CSPP1: variants seen among roughly 807,000 people sequenced by gnomAD.
CSPP1 encodes the protein centrosome and spindle pole associated protein 1, also known as centrosome and spindle pole-associated protein 1.
CSPP1 carries 126 observed loss-of-function variants against 164.4 expected under a neutral mutation model. The observed-to-expected ratio is 0.77, with a 90% CI of 0.66 to 0.89. The LOEUF (loss-of-function observed/expected upper bound fraction) is 0.89, where lower values mean the gene tolerates loss of function less well. Among genes scored for constraint, CSPP1 ranks in the 40% least tolerant of loss-of-function variants. The pLI is 0.00. For synonymous variants in CSPP1, 472 were observed against 476.7 expected (o/e 0.99, Z 0.13); for missense variants, 1,395 against 1,449.8 (o/e 0.96, Z 0.61).
chr8:67,113,994 A>G (rs1032978253), intron 11 of CSPP1, 132 bp downstream of exon 11: 1 of 550,244 alleles, frequency 1.8e-6, no homozygotes, highest in African/African-American at 1.9e-5. Flanking sequence ...AATTAACTAA[A>G]TTCAGTTCTC....
intron 22 of CSPP1, among the ~76,000 whole-genome samples, chr8:67,163,268 T>C (rs1047056426): frequency 5.3e-5 from 8 of 152,144 alleles, no homozygotes; most frequent in African/African-American, 1.7e-4. Flanking sequence ...GCATTTACTG[T>C]TCTTTAAGGA....
intron 21 of CSPP1, among the ~76,000 whole-genome samples, chr8:67,159,733 A>T (rs963753076): frequency 6.0e-5 from 9 of 149,730 alleles, no homozygotes; most frequent in Admixed American, 3.3e-4. Flanking sequence ...TGTTGGCCAG[A>T]CTGGTCTCAA....
intron 17 of CSPP1, among the ~76,000 whole-genome samples, chr8:67,142,121 A>C (rs1250111481): frequency 6.6e-6 from 1 of 152,086 alleles, no homozygotes; most frequent in African/African-American, 2.4e-5. Flanking sequence ...TAAAGTAAAT[A>C]TTTCTCATTT....
At chr8:67,070,342 A>G (rs896980436) in intron 1 of CSPP1, among the ~76,000 whole-genome samples, 2 of 151,898 alleles carry the variant, frequency 1.3e-5, no homozygotes, top group Non-Finnish European at 2.9e-5. Flanking sequence ...GGGCACCTGT[A>G]ATCTCAGCTA....
chr8:67,113,862 G>A lies in CSPP1; in HGVS notation c.1245G>A (p.Ser415=), dbSNP rs766232913. 2.6e-6 allele frequency: 4 copies of A among 1,563,590 alleles called. No individual in the cohort carries two copies. Among genetic ancestry groups the A allele is most frequent in the Non-Finnish European group, 2.6e-6 (3 of 1,141,186 alleles). The change falls in exon 11 of 31, where the codon TCG becomes TCA. Residue 415 remains serine, a splice_region_variant and synonymous_variant. Transcript: ENST00000678616. ...AASGAQDPEK[S]WNELLTSLQL... ...CTGGAGCACAAGACCCTGAGAAATC[G>A]GTAAGGGTTTCTGGCATCTTTTAAT...
intron 15 of CSPP1, among the ~76,000 whole-genome samples, chr8:67,127,324 T>C (rs1045560840): frequency 2.0e-5 from 3 of 152,178 alleles, no homozygotes; most frequent in Non-Finnish European, 2.9e-5. Flanking sequence ...GTCAGCAGAT[T>C]TGGTTCCTAG....
intron 15 of CSPP1, among the ~76,000 whole-genome samples, chr8:67,129,814 G>A (rs1314041574): frequency 6.6e-6 from 1 of 152,160 alleles, no homozygotes; most frequent in Non-Finnish European, 1.5e-5. Flanking sequence ...GAGACAGCAG[G>A]CTACTTACTT....
At chr8:67,126,658 T>G (rs1333141782) in intron 15 of CSPP1, among the ~76,000 whole-genome samples, 1 of 152,190 alleles carries the variant, frequency 6.6e-6, no homozygotes, top group Non-Finnish European at 1.5e-5. Context: ...AGAGGTGTTC[T>G]CAGAGCTTCC....
intron 1 of CSPP1, among the ~76,000 whole-genome samples, chr8:67,065,834 TG>T (rs959785962): frequency 9.9e-5 from 15 of 152,174 alleles, no homozygotes; most frequent in Admixed American, 3.9e-4. Context: ...CGTTCAAGTT[TG>T]GGTCTTCTGC....
intron 28 of CSPP1, among the ~76,000 whole-genome samples, chr8:67,184,964 AAAG>A (rs1270164795): frequency 6.9e-6 from 1 of 144,832 alleles, no homozygotes; most frequent in South Asian, 2.2e-4. Context: ...AAAAAAAAAA[AAAG>A]GTGGTGGGCA....
intron 3 of CSPP1, among the ~76,000 whole-genome samples, chr8:67,083,356 A>AC (rs1458319852): frequency 2.0e-5 from 3 of 150,864 alleles, no homozygotes; most frequent in African/African-American, 7.3e-5. Flanking sequence ...ATATGGTGAA[A>AC]CCCCGCCTCC....
intron 4 of CSPP1, among the ~76,000 whole-genome samples, chr8:67,090,477 G>A (rs909008922): frequency 9.9e-5 from 15 of 151,976 alleles, no homozygotes; most frequent in Non-Finnish European, 1.9e-4. Context: ...AGTAGAGGGG[G>A]TTTCGCCTTG....
intron 7 of CSPP1, among the ~76,000 whole-genome samples, chr8:67,099,887 T>C (rs1813666868): frequency 6.6e-6 from 1 of 152,178 alleles, no homozygotes; most frequent in Admixed American, 6.5e-5. Flanking sequence ...TTAATTTCCC[T>C]TCAAGGTTTC....
At chr8:67,151,264 C>T (rs1221638297) in intron 18 of CSPP1, among the ~76,000 whole-genome samples, 1 of 152,084 alleles carries the variant, frequency 6.6e-6, no homozygotes, top group African/African-American at 2.4e-5. Context: ...AAAATTGGAA[C>T]CTTTGATTTT....
chr8:67,194,240 AAT>A (rs1454020680), intron 30 of CSPP1, among the ~76,000 whole-genome samples: 7 of 152,256 alleles, frequency 4.6e-5, no homozygotes, highest in African/African-American at 1.7e-4. Flanking sequence ...TGGTAATAAT[AAT>A]AGTTTTAGCA....
chr8:67,137,346 G>A (rs1018313255), intron 16 of CSPP1, 110 bp from the exon 17 acceptor site: 6 of 797,184 alleles, frequency 7.5e-6, no homozygotes, highest in African/African-American at 7.2e-5. Flanking sequence ...AAAAAAAAAA[G>A]CAAATTTTTT....
chr8:67,183,042 G>A (rs1833443326), intron 28 of CSPP1, among the ~76,000 whole-genome samples: 1 of 152,130 alleles, frequency 6.6e-6, no homozygotes, highest in East Asian at 1.9e-4. Flanking sequence ...CTAAGACATC[G>A]TTGCCAAATC....
In CSPP1 at chr8:67,115,109, A is replaced by G. The variant is rs1413310848; in HGVS notation, c.1287+739A>G. 5 of 152,364 alleles carry G rather than the reference A, an allele frequency of 3.3e-5. No individual in the cohort carries two copies. In the East Asian group the frequency reaches 9.6e-4, roughly 29 times the overall value. 9.4% of individuals were successfully genotyped at this position (152,364 alleles called of 1,614,324 possible). A position where few individuals can be genotyped will look rare whatever the true frequency, so the allele number is the denominator to read the frequency against. On this transcript the variant is annotated intron_variant, in intron 12 of 30. Transcript: ENST00000678616. ...TTTAGCACCATAGCTGAGTCTGCTC[A>G]TTATGAAGAGACTATGTAGTCTTGC...
intron 3 of CSPP1, chr8:67,081,153 T>C (rs1349195419): frequency 6.6e-6 from 1 of 152,086 alleles, no homozygotes; most frequent in Non-Finnish European, 1.5e-5. Context: ...TGGTCCAAGG[T>C]ACCCACTGTG....
Sources: allele counts gnomAD v4.1 joint callset (sites outside exome capture counted in the v4.1 genomes callset), GRCh38; gene constraint gnomAD v4.1.1; transcripts MANE v1.5; gene names NCBI Gene and HGNC (gene_info 2026-07-23, HGNC 2026-07-21).